The following GTPBP6 variants were observed in gnomAD, a reference collection of about 807,000 sequenced individuals.
The protein encoded by GTPBP6 is putative GTP-binding protein 6.
In GTPBP6, 33 loss-of-function variants were observed where a neutral mutation model predicts 28.9. That is an observed-to-expected ratio of 1.14 (90% CI 0.87 to 1.53). GTPBP6 has a LOEUF of 1.53. Ranked by LOEUF, GTPBP6 falls within the 40% of genes most tolerant of loss-of-function variation. The pLI is 0.00. For synonymous variants in GTPBP6, 231 were observed against 192.7 expected (o/e 1.20, Z -1.65); for missense variants, 507 against 408.3 (o/e 1.24, Z -2.08).
chrX:312,992 C>T (rs1286717986), intron 5 of GTPBP6, 68 bp from the exon 6 acceptor site: 63 of 1,454,216 alleles, frequency 4.3e-5, no homozygotes, highest in Non-Finnish European at 5.6e-5. Flanking sequence ...GGCGGTGCCG[C>T]GGAGGGTCTG....
intron 7 of GTPBP6, among the ~76,000 whole-genome samples, chrX:310,225 C>T (rs1273924593): frequency 4.0e-5 from 6 of 151,868 alleles, no homozygotes; most frequent in African/African-American, 1.4e-4. Context: ...ATGAGATCAT[C>T]CTGGATTAGG....
At chrX:311,478 G>C (rs1250271766) in exon 7 of GTPBP6, 1 of 1,612,222 alleles carries the variant, frequency 6.2e-7, no homozygotes, top group Admixed American at 1.7e-5. Flanking sequence ...TGCGGCAGCT[G>C]GGAGAGGAAG....
chrX:314,144 A>G lies in GTPBP6; in HGVS notation c.757+6T>C, dbSNP rs972133655. ...CCTCTGGGACGCCGCGCCCGGCCCGAGTTACCTGACCCCATGATGTAGCGC... is the reference window on the plus strand; with the variant it reads ...CCTCTGGGACGCCGCGCCCGGCCCGGGTTACCTGACCCCATGATGTAGCGC... On this transcript the variant is annotated splice_donor_region_variant and intron_variant, in intron 5 of 9. Coordinates refer to ENST00000326153, the Ensembl canonical transcript of GTPBP6. 6.2e-7 allele frequency: 1 copy of G among 1,608,374 alleles called. No homozygotes were observed. The highest frequency in any genetic ancestry group is 8.5e-7 in the Non-Finnish European group (1 of 1,176,830).
exon 10 of GTPBP6, chrX:304,812 C>G (rs1196985069): frequency 7.2e-7 from 1 of 1,379,704 alleles, no homozygotes; most frequent in African/African-American, 1.5e-5. Flanking sequence ...GAAAGCAGTT[C>G]ACAGCAGGCA....
intron 4 of GTPBP6, among the ~76,000 whole-genome samples, chrX:314,618 GC>G (rs1483349366): frequency 1.3e-5 from 2 of 151,930 alleles, no homozygotes; most frequent in African/African-American, 4.8e-5. Context: ...GATTTCAGGC[GC>G]CCGCCACCAC....
chrX:311,302 G>A (rs1203818998), intron 7 of GTPBP6, 117 bp downstream of exon 7: 8 of 587,086 alleles, frequency 1.4e-5, no homozygotes, highest in Admixed American at 3.1e-5. Context: ...CCGAGGGCCC[G>A]GCCCCTGGGC....
intron 6 of GTPBP6, 51 bp downstream of exon 6, chrX:312,715 C>T (rs1223066072): frequency 2.4e-6 from 3 of 1,257,814 alleles, no homozygotes. Flanking sequence ...GGCGAGTCCT[C>T]ACCGGTGACA....
chrX:304,884 T>C, exon 10 of GTPBP6: 1 of 1,439,526 alleles, frequency 6.9e-7, no homozygotes, highest in Non-Finnish European at 9.1e-7. Context: ...GGCGGCCCGC[T>C]TTGGGGCAGG....
At chrX:311,452 G>C in exon 7 of GTPBP6, 1 of 1,612,050 alleles carries the variant, frequency 6.2e-7, no homozygotes, top group Non-Finnish European at 8.5e-7. Context: ...TGGCGGAGAA[G>C]GACTCGATGA....
chrX:313,077 C>T (rs1251098947), intron 5 of GTPBP6, among the ~76,000 whole-genome samples, 153 bp from the exon 6 acceptor site: 1 of 152,240 alleles, frequency 6.6e-6, no homozygotes, highest in East Asian at 1.9e-4. Context: ...CCCGACACGT[C>T]CTGTTCCATG....
chrX:318,101 C>G (rs2070474009), intron 1 of GTPBP6, among the ~76,000 whole-genome samples: 1 of 151,182 alleles, frequency 6.6e-6, no homozygotes, highest in South Asian at 2.1e-4. Context: ...CCTCAAAGCC[C>G]CGCCCTGGGT....
intron 2 of GTPBP6, 124 bp downstream of exon 2, chrX:316,790 C>A (rs2070447957): frequency 5.0e-6 from 2 of 398,240 alleles, no homozygotes; most frequent in Non-Finnish European, 8.8e-6. Flanking sequence ...CTGGGCAATC[C>A]GAGAGGCCGC....
chrX:311,142 C>G lies in GTPBP6; in HGVS notation c.1125+277G>C, dbSNP rs1265816944. 2.6e-5 allele frequency among the ~76,000 whole-genome samples: 4 copies of G among 151,262 alleles called. No homozygotes were observed. In the South Asian group the frequency reaches 6.2e-4, roughly 24 times the overall value. ...GGGGACGTGGGAGGCTTGGGGGACA[C>G]TAAGTCTGAGCCCCAGGAGGCAGTT... On this transcript the variant is annotated intron_variant, in intron 7 of 9. Coordinates refer to ENST00000326153, the Ensembl canonical transcript of GTPBP6.
intron 4 of GTPBP6, 142 bp from the exon 5 acceptor site, chrX:314,359 G>C (rs2124470220): frequency 1.4e-6 from 1 of 738,176 alleles, no homozygotes; most frequent in South Asian, 1.5e-5. Flanking sequence ...TCCGCGTGTA[G>C]CTCACACACT....
intron 9 of GTPBP6, among the ~76,000 whole-genome samples, chrX:307,024 CTG>C (rs957795786): frequency 1.3e-5 from 2 of 151,164 alleles, no homozygotes; most frequent in African/African-American, 4.9e-5. Flanking sequence ...GATTAGGCAA[CTG>C]TTGTATGCAG....
chrX:317,823 C>T (rs1259908452), intron 1 of GTPBP6, among the ~76,000 whole-genome samples: 2 of 147,392 alleles, frequency 1.4e-5, no homozygotes, highest in African/African-American at 5.1e-5. Flanking sequence ...CCCGAAGCCC[C>T]GCCCACGCAC....
chrX:306,087 G>A (rs2070156202), intron 9 of GTPBP6, among the ~76,000 whole-genome samples: 1 of 152,220 alleles, frequency 6.6e-6, no homozygotes, highest in Non-Finnish European at 1.5e-5. Flanking sequence ...TTATTGGTAG[G>A]GAGACCTGTA....
intron 2 of GTPBP6, among the ~76,000 whole-genome samples, chrX:316,340 G>GACACACAC (rs1168593634): frequency 0.012 from 1,177 of 94,816 alleles, 38 homozygotes; most frequent in South Asian, 0.033. Context: ...TCCCATTGGG[G>GACACACAC]ACACACACAC....
chrX:317,562 T>TGGGGGGGGG (rs1231210780), intron 1 of GTPBP6, among the ~76,000 whole-genome samples: 2 of 46,074 alleles, frequency 4.3e-5, no homozygotes, highest in African/African-American at 2.2e-4. Flanking sequence ...TCCTGGGGGG[T>TGGGGGGGGG]GGGGGGTGGG....
Sources: gnomAD v4.1 joint callset for allele counts (sites outside exome capture counted in the v4.1 genomes callset) on GRCh38, gnomAD v4.1.1 for gene constraint, MANE v1.5 for transcripts, NCBI Gene and HGNC (gene_info 2026-07-23, HGNC 2026-07-21) for gene names.